The following GRID2 variants were observed in gnomAD, a reference collection of about 807,000 sequenced individuals.
The protein encoded by GRID2 is glutamate ionotropic receptor delta type subunit 2.
Under a neutral mutation model 114.8 loss-of-function variants are expected in GRID2, and 33 were observed. That is an observed-to-expected ratio of 0.29 (90% confidence interval 0.22 to 0.38). The LOEUF is 0.38. Ranked by LOEUF, GRID2 falls within the 10% of genes least tolerant of loss-of-function variation. The pLI is 1.00. For missense variants in GRID2, 1,184 were observed against 1,257.7 expected, an observed-to-expected ratio of 0.94 and a Z score of 0.89; for synonymous variants, 505 against 449.9, an observed-to-expected ratio of 1.12 and a Z score of -1.55.
chr4:92,951,929 G>A (rs1752071563), intron 2 of GRID2, among the ~76,000 whole-genome samples: 1 of 151,922 alleles, frequency 6.6e-6, no homozygotes, highest in East Asian at 1.9e-4. Context: ...TTCATTACAT[G>A]GATATGCTAT....
downstream of GRID2, among the ~76,000 whole-genome samples, chr4:93,774,756 C>G (rs570082583): frequency 6.6e-6 from 1 of 151,990 alleles, no homozygotes; most frequent in South Asian, 2.1e-4. Context: ...GAGAGACTGC[C>G]TTTCTGCTAT....
chr4:92,664,420 C>T (rs973203897), intron 2 of GRID2, among the ~76,000 whole-genome samples: 1 of 150,798 alleles, frequency 6.6e-6, no homozygotes, highest in Non-Finnish European at 1.5e-5. Context: ...TAAATTCATC[C>T]TGTTGTGGTT....
At chr4:92,963,167 A>G (rs1037239444) in intron 2 of GRID2, among the ~76,000 whole-genome samples, 6 of 151,918 alleles carry the variant, frequency 3.9e-5, no homozygotes, top group Non-Finnish European at 8.8e-5. Flanking sequence ...TTGCCTGGGT[A>G]TTGATGGTTG....
chr4:92,490,080 GTGT>G (rs1723082025), intron 1 of GRID2, among the ~76,000 whole-genome samples: 1 of 152,102 alleles, frequency 6.6e-6, no homozygotes, highest in African/African-American at 2.4e-5. Context: ...TTTAACTGTA[GTGT>G]TGTTGAGGAA....
At chr4:92,363,819 C>CTTTTT (rs11342142) in intron 1 of GRID2, among the ~76,000 whole-genome samples, 1 of 124,096 alleles carries the variant, frequency 8.1e-6, no homozygotes, top group South Asian at 2.6e-4. Flanking sequence ...ATTAAGTTTA[C>CTTTTT]TTTTTTTTTT....
At chr4:93,137,150 C>T (rs768254684) in intron 4 of GRID2, among the ~76,000 whole-genome samples, 3 of 152,128 alleles carry the variant, frequency 2.0e-5, no homozygotes, top group Non-Finnish European at 2.9e-5. Context: ...AGTTGATATT[C>T]GCCAAGTCAT....
chr4:92,809,710 A>T (rs2149377971), intron 2 of GRID2, among the ~76,000 whole-genome samples: 1 of 152,148 alleles, frequency 6.6e-6, no homozygotes, highest in African/African-American at 2.4e-5. Flanking sequence ...ATATTATTTT[A>T]AAATTACATT....
intron 1 of GRID2, among the ~76,000 whole-genome samples, chr4:92,348,511 T>C (rs1033383289): frequency 6.6e-6 from 1 of 152,184 alleles, no homozygotes; most frequent in Non-Finnish European, 1.5e-5. Flanking sequence ...TTCAGTTAAA[T>C]TATGTTTATT....
At chr4:92,892,031 A>G (rs1378995585) in intron 2 of GRID2, among the ~76,000 whole-genome samples, 2 of 151,938 alleles carry the variant, frequency 1.3e-5, no homozygotes, top group Non-Finnish European at 2.9e-5. Context: ...ATTATATTTG[A>G]TTATGAAAAT....
At chr4:92,805,332 G>A (rs1740358802) in intron 2 of GRID2, among the ~76,000 whole-genome samples, 1 of 151,640 alleles carries the variant, frequency 6.6e-6, no homozygotes, top group Admixed American at 6.6e-5. Flanking sequence ...ATTTCTTATT[G>A]TTCCCAACAC....
At chr4:93,481,923 G>C (rs751098254) in intron 11 of GRID2, among the ~76,000 whole-genome samples, 2 of 151,988 alleles carry the variant, frequency 1.3e-5, no homozygotes, top group African/African-American at 4.8e-5. Flanking sequence ...TGGCATAGGA[G>C]ATTGGAATGC....
chr4:92,632,645 G>C (rs898790605), intron 2 of GRID2, among the ~76,000 whole-genome samples: 3 of 151,274 alleles, frequency 2.0e-5, no homozygotes, highest in African/African-American at 7.3e-5. Context: ...AGAAAGAAAA[G>C]AAAGGAAAGG....
At chr4:93,251,594 T>C (rs1748937973) in intron 8 of GRID2, among the ~76,000 whole-genome samples, 1 of 152,194 alleles carries the variant, frequency 6.6e-6, no homozygotes, top group African/African-American at 2.4e-5. Flanking sequence ...TTGTACAGAT[T>C]ATTTTATCAC....
intron 14 of GRID2, among the ~76,000 whole-genome samples, chr4:93,748,202 A>G (rs1433351230): frequency 2.6e-5 from 4 of 152,172 alleles, no homozygotes; most frequent in Non-Finnish European, 5.9e-5. Context: ...CATTATACAG[A>G]GAGACACTGT....
At chr4:93,537,498 A>C (rs1337886447) in intron 13 of GRID2, among the ~76,000 whole-genome samples, 3 of 151,822 alleles carry the variant, frequency 2.0e-5, no homozygotes, top group Non-Finnish European at 4.4e-5. Flanking sequence ...TTCTATGTGA[A>C]TTGACAGAGG....
At chr4:93,564,253 G>C (rs1735198379) in intron 13 of GRID2, among the ~76,000 whole-genome samples, 2 of 151,926 alleles carry the variant, frequency 1.3e-5, no homozygotes, top group African/African-American at 4.8e-5. Context: ...CATTCTTCAA[G>C]GGACAAAGGG....
At chr4:93,412,366 C>A (rs1397741220) in intron 9 of GRID2, among the ~76,000 whole-genome samples, 2 of 151,986 alleles carry the variant, frequency 1.3e-5, no homozygotes, top group Admixed American at 1.3e-4. Flanking sequence ...TGCACTTCAA[C>A]CTGGGCAAGA....
chr4:93,168,609 G>T (rs1738488754), intron 4 of GRID2, among the ~76,000 whole-genome samples: 1 of 151,854 alleles, frequency 6.6e-6, no homozygotes, highest in Admixed American at 6.6e-5. Context: ...TTTAAACATG[G>T]GCAATTGGAG....
At chr4:93,723,558 T>C (rs1729576759) in intron 14 of GRID2, among the ~76,000 whole-genome samples, 1 of 152,234 alleles carries the variant, frequency 6.6e-6, no homozygotes, top group Admixed American at 6.5e-5. Context: ...CTTAATTCTA[T>C]GCAATATAAT....
Sources: allele counts gnomAD v4.1 joint callset (sites outside exome capture counted in the v4.1 genomes callset), GRCh38; gene constraint gnomAD v4.1.1; transcripts MANE v1.5; gene names NCBI Gene and HGNC (gene_info 2026-07-23, HGNC 2026-07-21).